Variants in ABTB2 observed in about 807,000 individuals in gnomAD.
The protein encoded by ABTB2 is ankyrin repeat and BTB domain containing 2, also known as ankyrin repeat and BTB/POZ domain-containing protein 2.
A neutral mutation model predicts 104.1 loss-of-function variants in ABTB2; 56 were observed. That is an observed-to-expected ratio of 0.54 (90% CI 0.43 to 0.67). ABTB2 has a LOEUF of 0.67. ABTB2 is among the 30% of genes least tolerant of loss of function. ABTB2 has a pLI of 0.00. For missense variants in ABTB2, 1,279 were observed against 1,407.7 expected (o/e 0.91, Z 1.46); for synonymous variants, 606 against 608.2 (o/e 1.00, Z 0.05).
At chr11:34,319,540 G>A (rs1016317459) in intron 1 of ABTB2, among the ~76,000 whole-genome samples, 9 of 152,196 alleles carry the variant, frequency 5.9e-5, no homozygotes, top group African/African-American at 1.4e-4. Flanking sequence ...TTACCAAGGC[G>A]GGCTGTGGAG....
chr11:34,199,086 C>G (rs567899050), intron 2 of ABTB2, among the ~76,000 whole-genome samples: 43 of 152,336 alleles, frequency 2.8e-4, no homozygotes, highest in Non-Finnish European at 4.9e-4. Flanking sequence ...CTGTTACATA[C>G]TAGGTTCTCA....
At chr11:34,345,614 G>A (rs1184142931) in intron 1 of ABTB2, among the ~76,000 whole-genome samples, 3 of 151,698 alleles carry the variant, frequency 2.0e-5, no homozygotes, top group African/African-American at 7.3e-5. Context: ...AGCACCCACT[G>A]GACAGGTGGG....
At chr11:34,267,408 C>G (rs139654017) in intron 1 of ABTB2, among the ~76,000 whole-genome samples, 1 of 152,168 alleles carries the variant, frequency 6.6e-6, no homozygotes, top group Non-Finnish European at 1.5e-5. Context: ...CCCATCCTGA[C>G]GGCATCACTC....
rs549753043 is a variant in ABTB2 at position 34,276,323 on chromosome 11, G to A, written c.884-71633C>T. Among the ~76,000 whole-genome samples, 299 of 151,940 alleles carry A rather than the reference G, an allele frequency of 2.0e-3. 1 individual carries two copies. The highest frequency in any genetic ancestry group is 3.4e-3 in the Non-Finnish European group (233 of 68,006). On this transcript the variant is annotated intron_variant, in intron 1 of 16. Coordinates refer to ENST00000435224, the MANE Select transcript of ABTB2 (RefSeq NM_145804.3). Reference sequence around the variant, plus strand: ...AAAGTTTTAAAAAGCACTCAAAATAGATTGCCTTCCTTCTCCTCAAAACTT... The same window carrying A: ...AAAGTTTTAAAAAGCACTCAAAATAAATTGCCTTCCTTCTCCTCAAAACTT...
At chr11:34,333,698 GTGAGC>G (rs1855158314) in intron 1 of ABTB2, among the ~76,000 whole-genome samples, 1 of 152,226 alleles carries the variant, frequency 6.6e-6, no homozygotes, top group African/African-American at 2.4e-5. Flanking sequence ...AGAGGTTGCA[GTGAGC>G]TGAGATTGTG....
chr11:34,176,279 C>CAAAAAAAAA (rs58009507), intron 3 of ABTB2, among the ~76,000 whole-genome samples: 2 of 74,830 alleles, frequency 2.7e-5, no homozygotes, highest in Non-Finnish European at 4.6e-5. Context: ...GACTCCGTCT[C>CAAAAAAAAA]AAAAAAAAAA....
intron 1 of ABTB2, among the ~76,000 whole-genome samples, chr11:34,226,832 G>C (rs1489664763): frequency 6.6e-6 from 1 of 152,146 alleles, no homozygotes; most frequent in Non-Finnish European, 1.5e-5. Flanking sequence ...TTGGGAGGCC[G>C]AGGCAGGTGG....
chr11:34,249,466 T>C (rs1590229843), intron 1 of ABTB2, among the ~76,000 whole-genome samples: 1 of 152,144 alleles, frequency 6.6e-6, no homozygotes, highest in Non-Finnish European at 1.5e-5. Context: ...GCTTCTCAAA[T>C]AGTAGAAAGC....
At chr11:34,355,124 T>TA (rs1355289540) in intron 1 of ABTB2, among the ~76,000 whole-genome samples, 1 of 152,208 alleles carries the variant, frequency 6.6e-6, no homozygotes, top group Non-Finnish European at 1.5e-5. Flanking sequence ...TGCCAGAATT[T>TA]AAAAACAAAA....
chr11:34,188,611 A>C (rs1048772865), intron 3 of ABTB2, among the ~76,000 whole-genome samples: 2 of 152,212 alleles, frequency 1.3e-5, no homozygotes, highest in African/African-American at 2.4e-5. Context: ...AACAGATGGA[A>C]ATTTAATGCA....
chr11:34,154,286 C>A lies in ABTB2; in HGVS notation c.2859G>T (p.Val953=), dbSNP rs999219074. 1.2e-6 allele frequency: 2 copies of A among 1,613,938 alleles called. No individual in the cohort carries two copies. The highest frequency in any genetic ancestry group is 1.7e-6 in the Non-Finnish European group (2 of 1,179,934). Residue 953 remains valine, a synonymous_variant, in exon 16 of 17, where the codon GTG becomes GTT. Coordinates refer to ENST00000435224, the MANE Select transcript of ABTB2 (RefSeq NM_145804.3). This position sits in a 1 kb window ranked among gnomAD's most constrained non-coding sequence, Gnocchi z 4.9. ...TCACCTTGGCATATTTGTAGGTGTT[C>A]ACGGCACTCTCCATGCTGAGGGTCT... ...CSQTLSMESA[V]NTYKYAKIHN...
At chr11:34,158,799 G>A (rs770263140) in intron 14 of ABTB2, among the ~76,000 whole-genome samples, 3 of 152,250 alleles carry the variant, frequency 2.0e-5, no homozygotes, top group East Asian at 1.9e-4. Flanking sequence ...TCACGGCCAC[G>A]TGTTTGACCA....
chr11:34,218,208 C>G (rs1186560593), intron 1 of ABTB2, among the ~76,000 whole-genome samples: 1 of 152,186 alleles, frequency 6.6e-6, no homozygotes, highest in African/African-American at 2.4e-5. Context: ...TCAGATGAAT[C>G]TTTTGCTGCA....
chr11:34,266,882 G>C (rs1854257845), intron 1 of ABTB2, among the ~76,000 whole-genome samples: 1 of 152,100 alleles, frequency 6.6e-6, no homozygotes, highest in Admixed American at 6.5e-5. Context: ...GGGAGGGGAG[G>C]GAGAGGCGGG....
At chr11:34,261,029 G>A (rs1332408835) in intron 1 of ABTB2, among the ~76,000 whole-genome samples, 1 of 152,102 alleles carries the variant, frequency 6.6e-6, no homozygotes, top group Non-Finnish European at 1.5e-5. Context: ...AAGCTGAGGT[G>A]GAAGAATCGC....
intron 1 of ABTB2, among the ~76,000 whole-genome samples, chr11:34,350,033 C>T (rs1261506203): frequency 6.6e-6 from 1 of 152,150 alleles, no homozygotes; most frequent in Non-Finnish European, 1.5e-5. Context: ...TGTGTACAAG[C>T]CTCTCATTTT....
intron 3 of ABTB2, among the ~76,000 whole-genome samples, chr11:34,194,758 T>C (rs981197913): frequency 7.1e-6 from 1 of 141,590 alleles, no homozygotes; most frequent in Non-Finnish European, 1.5e-5. Context: ...CCTTTCTGTG[T>C]CATAACTTAA....
intron 1 of ABTB2, among the ~76,000 whole-genome samples, chr11:34,267,880 C>T (rs1446774011): frequency 6.6e-6 from 1 of 152,204 alleles, no homozygotes; most frequent in East Asian, 1.9e-4. Flanking sequence ...GTTCACTCCT[C>T]TTCAATTTTT....
chr11:34,306,236 A>ATTTTTTTTTTTTTTTTTTTTTTTTTTT, intron 1 of ABTB2, among the ~76,000 whole-genome samples: 1 of 71,972 alleles, frequency 1.4e-5, no homozygotes, highest in Non-Finnish European at 2.6e-5. Flanking sequence ...GGAAAGTTTG[A>ATTTTTTTTTTTTTTTTTTTTTTTTTTT]TTTTTTTTTT....
Sources: allele counts gnomAD v4.1 joint callset (sites outside exome capture counted in the v4.1 genomes callset), GRCh38; gene constraint gnomAD v4.1.1; non-coding constraint Gnocchi (gnomAD v3.1); transcripts MANE v1.5; gene names NCBI Gene and HGNC (gene_info 2026-07-23, HGNC 2026-07-21).